Variants in NMNAT2 observed in about 807,000 individuals in gnomAD.
The protein encoded by NMNAT2 is nicotinamide/nicotinic acid mononucleotide adenylyltransferase 2.
Under a neutral mutation model 41.6 loss-of-function variants are expected in NMNAT2, and 11 were observed. That is an observed-to-expected ratio of 0.26 (90% CI 0.17 to 0.44). The LOEUF (loss-of-function observed/expected upper bound fraction) is 0.44, where lower values mean the gene tolerates loss of function less well. Among genes scored for constraint, NMNAT2 ranks in the 20% least tolerant of loss-of-function variants. The pLI is 1.00. For synonymous variants in NMNAT2, 148 were observed against 151.2 expected (o/e 0.98, Z 0.16); for missense variants, 288 against 407.7 (o/e 0.71, Z 2.53).
In NMNAT2 at chr1:183,410,173, AAT is replaced by A. The variant is rs1481673408; in HGVS notation, c.85+8008_85+8009del. Among the ~76,000 whole-genome samples the A allele has an allele frequency of 2.0e-5, 3 of 150,944 alleles. No individual in the cohort carries two copies. The East Asian group carries it at 5.9e-4, about 29-fold the overall frequency. On this transcript the variant is annotated intron_variant, in intron 1 of 10. Coordinates refer to ENST00000287713, the MANE Select transcript of NMNAT2 (RefSeq NM_015039.4). ...AAATAATACCAAAAAAAAAAAAAAA[AAT>A]AGCCGGGCATGATGGCGGGTGCCTG... is the stretch of plus-strand genomic sequence containing the variant.
In NMNAT2 at chr1:183,250,005, A is replaced by G. The variant is rs1007795008; in HGVS notation, c.*2636T>C. On this transcript the variant is annotated 3_prime_UTR_variant, in exon 11 of 11. Transcript: ENST00000287713. ...ATTCCTTCTCATGGGCTGTAGACCA[A>G]ATGGGGCTTGACCAGAGCAGAGTGA... is the stretch of plus-strand genomic sequence containing the variant. 6.6e-6 allele frequency: 1 copy of G among 152,154 alleles called. No homozygotes were observed. Among genetic ancestry groups the G allele is most frequent in the African/African-American group, 2.4e-5 (1 of 41,396 alleles). 9.4% of individuals were successfully genotyped at this position (152,154 alleles called of 1,614,324 possible). A position where few individuals can be genotyped will look rare whatever the true frequency, so the allele number is the denominator to read the frequency against.
At chr1:183,253,946 T>C (rs1185422311) in intron 10 of NMNAT2, among the ~76,000 whole-genome samples, 1 of 143,400 alleles carries the variant, frequency 7.0e-6, no homozygotes, top group Non-Finnish European at 1.5e-5. Flanking sequence ...TGTGTGTGTA[T>C]GTGTGTGTGT....
At chr1:183,402,126 G>A (rs903022460) in intron 1 of NMNAT2, among the ~76,000 whole-genome samples, 1 of 152,094 alleles carries the variant, frequency 6.6e-6, no homozygotes, top group Non-Finnish European at 1.5e-5. Context: ...CACATAGCAT[G>A]TTTGCAACTT....
At chr1:183,280,303 C>A (rs1265154009) in intron 7 of NMNAT2, among the ~76,000 whole-genome samples, 1 of 152,202 alleles carries the variant, frequency 6.6e-6, no homozygotes, top group Non-Finnish European at 1.5e-5. Context: ...TCAGTTAGAT[C>A]AAGCTTGTCC....
intron 8 of NMNAT2, among the ~76,000 whole-genome samples, chr1:183,272,308 G>A (rs1661005277): frequency 6.6e-6 from 1 of 152,216 alleles, no homozygotes; most frequent in Non-Finnish European, 1.5e-5. Context: ...GGAGAGACTA[G>A]TTCTCCAATA....
Position 183,306,349 on chromosome 1 carries a change from A to G in NMNAT2, c.86-12556T>C, listed in dbSNP as rs867270769. On this transcript the variant is annotated intron_variant, in intron 1 of 10. Coordinates refer to ENST00000287713, the MANE Select transcript of NMNAT2 (RefSeq NM_015039.4). ...AAAAGAATGGATTTTTCCAGAAAGA[A>G]TGTTTTCTTCCAGAAAACATTCTTT... Among the ~76,000 whole-genome samples the G allele has an allele frequency of 2.6e-5, 4 of 152,176 alleles. No individual in the cohort carries two copies. In the East Asian group the frequency reaches 7.7e-4, roughly 29 times the overall value.
intron 1 of NMNAT2, among the ~76,000 whole-genome samples, chr1:183,390,240 C>A (rs546423576): frequency 6.6e-6 from 1 of 152,138 alleles, no homozygotes; most frequent in African/African-American, 2.4e-5. Context: ...TACCAGTCAG[C>A]CTTGGAAAAT....
chr1:183,395,796 A>T (rs1160899527), intron 1 of NMNAT2, among the ~76,000 whole-genome samples: 3 of 152,180 alleles, frequency 2.0e-5, no homozygotes. Context: ...ATCTGTAGGC[A>T]TTTCTGCCAA....
intron 1 of NMNAT2, among the ~76,000 whole-genome samples, chr1:183,381,864 GAA>G (rs1663809283): frequency 6.6e-6 from 1 of 152,060 alleles, no homozygotes; most frequent in Non-Finnish European, 1.5e-5. Context: ...TAACAGATGA[GAA>G]AATCAAAGCA....
intron 1 of NMNAT2, among the ~76,000 whole-genome samples, chr1:183,397,818 T>C (rs1425302262): frequency 6.6e-6 from 1 of 152,156 alleles, no homozygotes; most frequent in Non-Finnish European, 1.5e-5. Context: ...CTAAGCTTCA[T>C]AAGTGAAAGA....
intron 1 of NMNAT2, among the ~76,000 whole-genome samples, chr1:183,300,440 G>A (rs918272112): frequency 3.4e-4 from 51 of 149,690 alleles, no homozygotes; most frequent in Non-Finnish European, 6.5e-4. Context: ...AGGCACCATG[G>A]CACCATTTAT....
intron 10 of NMNAT2, among the ~76,000 whole-genome samples, chr1:183,257,370 C>T (rs756795086): frequency 8.6e-5 from 13 of 151,872 alleles, no homozygotes; most frequent in African/African-American, 2.7e-4. Flanking sequence ...GAACCCGGGA[C>T]GCGGAGGTTG....
At chr1:183,360,135 A>C (rs1663275424) in intron 1 of NMNAT2, among the ~76,000 whole-genome samples, 1 of 152,080 alleles carries the variant, frequency 6.6e-6, no homozygotes, top group South Asian at 2.1e-4. Context: ...ACTTTCCATT[A>C]TGAAAATGCT....
intron 1 of NMNAT2, among the ~76,000 whole-genome samples, chr1:183,405,176 C>G (rs908057732): frequency 1.3e-5 from 2 of 152,070 alleles, no homozygotes; most frequent in Admixed American, 6.6e-5. Context: ...GCTGTGGTGG[C>G]ACCACTGAAC....
intron 1 of NMNAT2, among the ~76,000 whole-genome samples, chr1:183,367,180 C>T (rs1025514777): frequency 7.9e-5 from 12 of 152,080 alleles, no homozygotes; most frequent in African/African-American, 2.2e-4. Flanking sequence ...AAATAAGGGC[C>T]GGGAGTGGTG....
chr1:183,278,691 T>G (rs1661188076), intron 7 of NMNAT2, 62 bp from the exon 8 acceptor site: 1 of 1,156,748 alleles, frequency 8.6e-7, no homozygotes, highest in African/African-American at 1.5e-5. Flanking sequence ...CATTTGACCC[T>G]CAGCCTTCTT....
At chr1:183,367,110 T>C (rs1458036788) in intron 1 of NMNAT2, among the ~76,000 whole-genome samples, 1 of 152,246 alleles carries the variant, frequency 6.6e-6, no homozygotes, top group Non-Finnish European at 1.5e-5. Context: ...GCCATTTTCA[T>C]ATTTCCACAT....
At chr1:183,349,044 T>C (rs1662991402) in intron 1 of NMNAT2, among the ~76,000 whole-genome samples, 1 of 152,158 alleles carries the variant, frequency 6.6e-6, no homozygotes, top group Admixed American at 6.5e-5. Context: ...CCTGCAAAAC[T>C]CTGGCCCAGG....
rs199624546 is a variant in NMNAT2, at chr1:183,249,456, C to G, written c.*3185G>C. On this transcript the variant is annotated 3_prime_UTR_variant, in exon 11 of 11. Transcript: ENST00000287713. ...TGGACATGATTGTTCCAGTCCATGC[C>G]TTTCTCACAACCTCTGAGCCATGCC... 2 of 152,176 alleles carry G rather than the reference C, an allele frequency of 1.3e-5. No individual in the cohort carries two copies. The highest frequency in any genetic ancestry group is 2.9e-5 in the Non-Finnish European group (2 of 68,050). 9.4% of individuals were successfully genotyped at this position (152,176 alleles called of 1,614,324 possible). A position where few individuals can be genotyped will look rare whatever the true frequency, so the allele number is the denominator to read the frequency against.
Sources: gnomAD v4.1 joint callset for allele counts (sites outside exome capture counted in the v4.1 genomes callset) on GRCh38, gnomAD v4.1.1 for gene constraint, MANE v1.5 for transcripts, NCBI Gene and HGNC (gene_info 2026-07-23, HGNC 2026-07-21) for gene names.